Variants in C10orf90 observed in about 807,000 individuals in gnomAD.
The protein encoded by C10orf90 is (E2-independent) E3 ubiquitin-conjugating enzyme FATS.
Under a neutral mutation model 62.5 loss-of-function variants are expected in C10orf90, and 56 were observed. That is an observed-to-expected ratio of 0.90 (90% CI 0.72 to 1.12). The LOEUF (loss-of-function observed/expected upper bound fraction) is 1.12, where lower values mean the gene tolerates loss of function less well. Ranked by LOEUF, C10orf90 falls within the 50% of genes most tolerant of loss-of-function variation. The probability of loss-of-function intolerance (pLI) is 0.00; values close to 1 mark genes in which losing one functional copy is unlikely to be tolerated. For missense variants in C10orf90, 970 were observed against 880.4 expected, an observed-to-expected ratio of 1.10 and a Z score of -1.29; for synonymous variants, 386 against 340.4, an observed-to-expected ratio of 1.13 and a Z score of -1.47.
intron 8 of C10orf90, among the ~76,000 whole-genome samples, chr10:126,427,254 A>G (rs145727721): frequency 7.9e-5 from 12 of 152,378 alleles, no homozygotes; most frequent in African/African-American, 2.9e-4. Context: ...AGGAAGGACT[A>G]GGAGAGAAAA....
chr10:126,525,620 C>T (rs372357692), intron 2 of C10orf90, among the ~76,000 whole-genome samples: 3 of 152,252 alleles, frequency 2.0e-5, no homozygotes, highest in Admixed American at 6.5e-5. Context: ...CGCTGCACAT[C>T]GGGGGTCTGG....
intron 5 of C10orf90, among the ~76,000 whole-genome samples, chr10:126,464,075 C>T (rs1196018867): frequency 1.3e-5 from 2 of 152,272 alleles, no homozygotes; most frequent in Non-Finnish European, 2.9e-5. Context: ...CATAACCGGG[C>T]ACCACAGGAC....
intron 2 of C10orf90, among the ~76,000 whole-genome samples, chr10:126,553,635 A>G (rs1864689545): frequency 6.6e-6 from 1 of 152,206 alleles, no homozygotes; most frequent in Non-Finnish European, 1.5e-5. Context: ...TGTAGTATTC[A>G]ATACAGTCAT....
chr10:126,523,279 T>C (rs1308154774), intron 2 of C10orf90, among the ~76,000 whole-genome samples: 1 of 152,080 alleles, frequency 6.6e-6, no homozygotes, highest in African/African-American at 2.4e-5. Flanking sequence ...GGCACCAGAC[T>C]CAAGGATGAT....
intron 2 of C10orf90, among the ~76,000 whole-genome samples, chr10:126,553,533 T>G (rs992477886): frequency 6.6e-6 from 1 of 152,126 alleles, no homozygotes; most frequent in African/African-American, 2.4e-5. Flanking sequence ...AGTGATGTCA[T>G]AGACATCATA....
At chr10:126,646,725 A>G (rs1846180351) in intron 1 of C10orf90, 88 bp from the exon 2 acceptor site, 2 of 298,226 alleles carry the variant, frequency 6.7e-6, no homozygotes, top group Admixed American at 9.1e-5. Context: ...TTTTTTAATC[A>G]GGAACATCCT....
At chr10:126,473,280 A>G (rs191782897) in intron 4 of C10orf90, among the ~76,000 whole-genome samples, 1 of 152,282 alleles carries the variant, frequency 6.6e-6, no homozygotes, top group East Asian at 1.9e-4. Flanking sequence ...TGAGCCCTCA[A>G]GTCCCCACCA....
At chr10:126,609,390 T>G (rs190652384) in intron 2 of C10orf90, among the ~76,000 whole-genome samples, 1 of 151,700 alleles carries the variant, frequency 6.6e-6, no homozygotes, top group African/African-American at 2.4e-5. Context: ...GCAAAAAGAG[T>G]GAAACTCCAT....
At chr10:126,547,202 G>A (rs1167487968) in intron 2 of C10orf90, among the ~76,000 whole-genome samples, 4 of 152,058 alleles carry the variant, frequency 2.6e-5, no homozygotes, top group African/African-American at 7.2e-5. Context: ...GGCGGATCAG[G>A]AGGTCAGGAG....
At chr10:126,544,244 T>G (rs1287159223) in intron 2 of C10orf90, among the ~76,000 whole-genome samples, 2 of 152,178 alleles carry the variant, frequency 1.3e-5, no homozygotes, top group Non-Finnish European at 2.9e-5. Context: ...CTTACAGATG[T>G]GAAACTGCAT....
chr10:126,473,737 T>C (rs573255880), intron 4 of C10orf90, among the ~76,000 whole-genome samples: 10 of 152,272 alleles, frequency 6.6e-5, no homozygotes, highest in Admixed American at 2.0e-4. Context: ...CAAGTCCTAA[T>C]TGATCTATCA....
chr10:126,522,771 A>G (rs1336060654), intron 2 of C10orf90: 1 of 152,196 alleles, frequency 6.6e-6, no homozygotes, highest in Non-Finnish European at 1.5e-5. Context: ...TGCAATATGA[A>G]TAATCACTGT....
intron 2 of C10orf90, among the ~76,000 whole-genome samples, chr10:126,526,346 G>C (rs931935533): frequency 4.0e-5 from 6 of 150,862 alleles, no homozygotes; most frequent in African/African-American, 1.5e-4. Context: ...CCAGGCTCAC[G>C]CCATTCTCCT....
At chr10:126,451,240 G>C (rs894473007) in intron 7 of C10orf90, among the ~76,000 whole-genome samples, 1 of 152,184 alleles carries the variant, frequency 6.6e-6, no homozygotes, top group Non-Finnish European at 1.5e-5. Context: ...CTGCTGTGGG[G>C]ATGTAAATTA....
chr10:126,642,354 A>G lies in C10orf90; in HGVS notation c.313+4211T>C, dbSNP rs1158123355. ...GAGACCATCCTGGCTAACATGGTGA[A>G]ACCCCGTCTCTACTAAAAATACAAA... is the stretch of plus-strand genomic sequence containing the variant. On this transcript the variant is annotated intron_variant, in intron 2 of 9. Coordinates refer to ENST00000488181, the MANE Select transcript of C10orf90 (RefSeq NM_001350921.2). Among the ~76,000 whole-genome samples the G allele has an allele frequency of 4.6e-5, 7 of 152,078 alleles. No homozygotes were observed. In the East Asian group the frequency reaches 5.8e-4, roughly 13 times the overall value.
chr10:126,610,673 A>G (rs994873475), intron 2 of C10orf90, among the ~76,000 whole-genome samples: 8 of 152,238 alleles, frequency 5.3e-5, no homozygotes, highest in Non-Finnish European at 1.2e-4. Context: ...ATTCATTATC[A>G]TTCTCTCCAC....
At chr10:126,581,786 A>C (rs1365334498) in intron 2 of C10orf90, among the ~76,000 whole-genome samples, 1 of 152,206 alleles carries the variant, frequency 6.6e-6, no homozygotes, top group Non-Finnish European at 1.5e-5. Context: ...TATGTTTCCC[A>C]GCAGACTTTG....
chr10:126,564,299 G>A (rs1844251489), intron 2 of C10orf90, among the ~76,000 whole-genome samples: 1 of 152,112 alleles, frequency 6.6e-6, no homozygotes, highest in Non-Finnish European at 1.5e-5. Context: ...CAGCCCACCA[G>A]GTTGTGGTGA....
At chr10:126,455,080 C>T (rs997306593) in intron 7 of C10orf90, among the ~76,000 whole-genome samples, 3 of 152,122 alleles carry the variant, frequency 2.0e-5, no homozygotes, top group African/African-American at 7.2e-5. Context: ...CACTACCTTC[C>T]TTATACCACT....
Sources: gnomAD v4.1 joint callset for allele counts (sites outside exome capture counted in the v4.1 genomes callset) on GRCh38, gnomAD v4.1.1 for gene constraint, MANE v1.5 for transcripts, NCBI Gene and HGNC (gene_info 2026-07-23, HGNC 2026-07-21) for gene names.